SPATA17: variants seen among roughly 807,000 people sequenced by gnomAD.
The protein encoded by SPATA17 is spermatogenesis-associated protein 17.
Under a neutral mutation model 62.2 loss-of-function variants are expected in SPATA17, and 53 were observed. That is an observed-to-expected ratio of 0.85 (90% CI 0.68 to 1.07). SPATA17 has a LOEUF of 1.07. SPATA17 is among the 50% of genes least tolerant of loss of function. The pLI, the probability that SPATA17 is intolerant of heterozygous loss-of-function variation, is 0.00. For synonymous variants in SPATA17, 146 were observed against 146.8 expected, an observed-to-expected ratio of 0.99 and a Z score of 0.04; for missense variants, 466 against 425.5, an observed-to-expected ratio of 1.10 and a Z score of -0.84.
intron 9 of SPATA17, among the ~76,000 whole-genome samples, chr1:217,812,879 T>C (rs1194905681): frequency 6.6e-6 from 1 of 152,220 alleles, no homozygotes; most frequent in Non-Finnish European, 1.5e-5. Context: ...ATGGAACCAT[T>C]TGATGTTTTC....
chr1:217,679,842 T>G (rs536736880), intron 4 of SPATA17, among the ~76,000 whole-genome samples: 3 of 152,274 alleles, frequency 2.0e-5, no homozygotes, highest in African/African-American at 7.2e-5. Flanking sequence ...AAACTCTTCT[T>G]ACTTGAACAC....
chr1:217,649,977 T>C (rs1334678866), intron 2 of SPATA17, among the ~76,000 whole-genome samples: 2 of 150,712 alleles, frequency 1.3e-5, no homozygotes, highest in Admixed American at 1.3e-4. Context: ...TTTGCTCTTG[T>C]TGTCCAGGCT....
At chr1:217,665,202 T>G (rs1670667988) in intron 3 of SPATA17, 1 of 152,192 alleles carries the variant, frequency 6.6e-6, no homozygotes, top group Non-Finnish European at 1.5e-5. Context: ...TCATCAGTAA[T>G]CATTATCGTA....
At chr1:217,701,506 C>A (rs1199520530) in intron 5 of SPATA17, among the ~76,000 whole-genome samples, 1 of 152,048 alleles carries the variant, frequency 6.6e-6, no homozygotes, top group Admixed American at 6.6e-5. Context: ...CTGCCTCAAT[C>A]TCCCAAGTTG....
At chr1:217,639,870 C>T (rs986139457) in intron 1 of SPATA17, among the ~76,000 whole-genome samples, 1 of 152,050 alleles carries the variant, frequency 6.6e-6, no homozygotes, top group African/African-American at 2.4e-5. Flanking sequence ...TCTTCCTCAC[C>T]TTCTCACGCA....
At chr1:217,639,592 T>A (rs1051593681) in intron 1 of SPATA17, among the ~76,000 whole-genome samples, 2 of 152,200 alleles carry the variant, frequency 1.3e-5, no homozygotes, top group African/African-American at 2.4e-5. Context: ...ATTTACCTTA[T>A]ATTTAATTAA....
intron 4 of SPATA17, among the ~76,000 whole-genome samples, chr1:217,678,811 T>C (rs1671012227): frequency 6.6e-6 from 1 of 152,204 alleles, no homozygotes; most frequent in South Asian, 2.1e-4. Context: ...ACAATGACTT[T>C]GTTTAAAATT....
At chr1:217,745,222 G>T (rs1426599147) in intron 6 of SPATA17, among the ~76,000 whole-genome samples, 1 of 152,104 alleles carries the variant, frequency 6.6e-6, no homozygotes, top group African/African-American at 2.4e-5. Context: ...ATTTTAATTT[G>T]GACCTGGCTG....
At chr1:217,783,883 CCA>C (rs1466257241) in intron 8 of SPATA17, among the ~76,000 whole-genome samples, 5 of 152,108 alleles carry the variant, frequency 3.3e-5, no homozygotes, top group Non-Finnish European at 7.4e-5. Flanking sequence ...TCTTCAACTT[CCA>C]CAGTGTTGCT....
intron 6 of SPATA17, among the ~76,000 whole-genome samples, chr1:217,747,200 A>G (rs537124817): frequency 1.4e-4 from 22 of 152,254 alleles, no homozygotes; most frequent in Admixed American, 4.6e-4. Context: ...TGATTATTTA[A>G]TAAAGTTATT....
intron 3 of SPATA17, among the ~76,000 whole-genome samples, chr1:217,668,395 A>T (rs1670750719): frequency 6.6e-6 from 1 of 152,170 alleles, no homozygotes; most frequent in South Asian, 2.1e-4. Flanking sequence ...CACTTCAGGA[A>T]GTCTTCACTA....
chr1:217,871,070 A>G lies in SPATA17; in HGVS notation c.*4051A>G, dbSNP rs891625821. 6.6e-6 allele frequency: 1 copy of G among 152,196 alleles called. No homozygotes were observed. Among genetic ancestry groups the G allele is most frequent in the African/African-American group, 2.4e-5 (1 of 41,458 alleles). 9.4% of individuals were successfully genotyped at this position (152,196 alleles called of 1,614,324 possible). A position where few individuals can be genotyped will look rare whatever the true frequency, so the allele number is the denominator to read the frequency against. ...TAGTCTCACTAATTTATAGTTATAT[A>G]TGATGTAGATCTAGATTGTGATGTA... On this transcript the variant is annotated 3_prime_UTR_variant, in exon 11 of 11. Coordinates refer to ENST00000366933, the MANE Select transcript of SPATA17 (RefSeq NM_138796.4).
chr1:217,757,785 C>A (rs1673084253), intron 6 of SPATA17, among the ~76,000 whole-genome samples: 1 of 152,060 alleles, frequency 6.6e-6, no homozygotes, highest in Non-Finnish European at 1.5e-5. Flanking sequence ...AAAGAGGATG[C>A]AGTGAAGATC....
intron 1 of SPATA17, among the ~76,000 whole-genome samples, chr1:217,638,022 C>T (rs1283679603): frequency 6.6e-6 from 1 of 151,948 alleles, no homozygotes; most frequent in Non-Finnish European, 1.5e-5. Flanking sequence ...TTAGTAAGTA[C>T]CCAATAAATT....
intron 3 of SPATA17, among the ~76,000 whole-genome samples, chr1:217,656,546 ATATG>A (rs34179742): frequency 0.021 from 3,229 of 150,612 alleles, 59 homozygotes; most frequent in Non-Finnish European, 0.034. Context: ...TAGGTCTGAT[ATATG>A]TATGTATGTA....
chr1:217,722,559 T>C (rs1672158526), intron 5 of SPATA17, among the ~76,000 whole-genome samples: 1 of 152,152 alleles, frequency 6.6e-6, no homozygotes, highest in South Asian at 2.1e-4. Flanking sequence ...GAGAATAACC[T>C]TTAATATGTG....
At position 217,714,488 on chromosome 1, in the gene SPATA17, C is replaced by CTTTTTT. The variant is rs750665329; in HGVS notation, c.396-27478_396-27473dup. ...TGAGTTGAACGTGGAAAACGTGTTT[C>CTTTTTT]TTTTTTTTTTTTTTGAGACAGAGTC... On this transcript the variant is annotated intron_variant, in intron 5 of 10. Transcript: ENST00000366933. 4.1e-5 allele frequency among the ~76,000 whole-genome samples: 5 copies of CTTTTTT among 121,432 alleles called. 1 individual carries two copies. The highest frequency in any genetic ancestry group is 2.3e-4 in the East Asian group (1 of 4,444). 79.7% of individuals were successfully genotyped at this position (121,432 alleles called of 152,430 possible). A position where few individuals can be genotyped will look rare whatever the true frequency, so the allele number is the denominator to read the frequency against.
At chr1:217,730,219 A>T (rs1672372568) in intron 5 of SPATA17, among the ~76,000 whole-genome samples, 1 of 142,110 alleles carries the variant, frequency 7.0e-6, no homozygotes, top group South Asian at 2.2e-4. Context: ...CAGTAAAGTG[A>T]TTTTTTTTTT....
At position 217,632,534 on chromosome 1, in the gene SPATA17, G is replaced by A. The variant is rs145470472; in HGVS notation, c.68+1088G>A. On this transcript the variant is annotated intron_variant, in intron 1 of 10. Transcript: ENST00000366933. ...ACCTACTACATCATTATTTCACAAC[G>A]TACCTCTCTTACAGCACTGATCACA... Among the ~76,000 whole-genome samples, 328 of 152,206 alleles carry A rather than the reference G, an allele frequency of 2.2e-3. 1 individual carries two copies. Among genetic ancestry groups the A allele is most frequent in the South Asian group, 4.1e-3 (20 of 4,824 alleles).
Sources: gnomAD v4.1 joint callset for allele counts (sites outside exome capture counted in the v4.1 genomes callset) on GRCh38, gnomAD v4.1.1 for gene constraint, MANE v1.5 for transcripts, NCBI Gene and HGNC (gene_info 2026-07-23, HGNC 2026-07-21) for gene names.